FABP7: variants seen among roughly 807,000 people sequenced by gnomAD.
The protein encoded by FABP7 is fatty acid-binding protein, brain.
Under a neutral mutation model 14.2 loss-of-function variants are expected in FABP7, and 13 were observed. That is an observed-to-expected ratio of 0.91 (90% CI 0.59 to 1.45). The LOEUF (loss-of-function observed/expected upper bound fraction) is 1.45. Ranked by LOEUF, FABP7 falls within the 40% of genes most tolerant of loss-of-function variation. The probability of loss-of-function intolerance (pLI) is 0.00; values close to 1 mark genes in which losing one functional copy is unlikely to be tolerated. For missense variants in FABP7, 149 were observed against 157.6 expected, an observed-to-expected ratio of 0.95 and a Z score of 0.29; for synonymous variants, 49 against 51.4, an observed-to-expected ratio of 0.95 and a Z score of 0.20.
the FABP7 span, among the ~76,000 whole-genome samples, chr6:122,762,444 G>A: frequency 2.6e-5 from 4 of 152,146 alleles, no homozygotes; most frequent in African/African-American, 9.7e-5. Flanking sequence ...ATACTGAATG[G>A]GCAAAAACTG....
the FABP7 span, among the ~76,000 whole-genome samples, chr6:122,755,459 A>ATTTTTTTTTTT: frequency 1.5e-5 from 2 of 131,954 alleles, no homozygotes; most frequent in Non-Finnish European, 3.1e-5. Flanking sequence ...TATGTTTTGT[A>ATTTTTTTTTTT]TTTTTTTTTT....
chr6:122,757,626 G>A, the FABP7 span, among the ~76,000 whole-genome samples: 1 of 151,956 alleles, frequency 6.6e-6, no homozygotes, highest in Non-Finnish European at 1.5e-5. Flanking sequence ...AGATACACAT[G>A]AGAAGTTGAG....
chr6:122,779,616 T>C, upstream of FABP7: 2 of 620,294 alleles, frequency 3.2e-6, no homozygotes, highest in Non-Finnish European at 5.8e-6. Context: ...TGACAGCCTC[T>C]TGGAAAGAGG....
At chr6:122,770,143 T>G in the FABP7 span, among the ~76,000 whole-genome samples, 3 of 152,110 alleles carry the variant, frequency 2.0e-5, no homozygotes, top group African/African-American at 7.2e-5. Flanking sequence ...ATTTCACTCA[T>G]CTGGAGGCCC....
intron 3 of FABP7, chr6:122,782,605 T>C (rs1265673202): frequency 1.0e-6 from 1 of 985,350 alleles, no homozygotes; most frequent in Admixed American, 6.1e-5. Flanking sequence ...CAATGGTATA[T>C]TGATGATACT....
At chr6:122,750,900 G>A in the FABP7 span, among the ~76,000 whole-genome samples, 1 of 152,152 alleles carries the variant, frequency 6.6e-6, no homozygotes, top group Non-Finnish European at 1.5e-5. Context: ...CTGTTCTTTT[G>A]GACTGCTTGA....
chr6:122,771,803 T>A, the FABP7 span, among the ~76,000 whole-genome samples: 2 of 152,342 alleles, frequency 1.3e-5, no homozygotes, highest in East Asian at 3.9e-4. Flanking sequence ...AAGGTTTGGC[T>A]GAAAACTTAG....
rs532204268 is a variant in FABP7, at chr6:122,782,372, G to A, written c.348+1178G>A. 1,264 of 527,452 alleles carry A rather than the reference G, an allele frequency of 2.4e-3. 1 individual carries two copies. The highest frequency in any genetic ancestry group is 2.9e-3 in the Non-Finnish European group (1,183 of 411,932). 32.7% of individuals were successfully genotyped at this position (527,452 alleles called of 1,614,324 possible). A position where few individuals can be genotyped will look rare whatever the true frequency, so the allele number is the denominator to read the frequency against. ...CCTCCCTTGCTTCTTCCTACTTCCC[G>A]GATGGCTCCTGGCAATCATTGAGGT... On this transcript the variant is annotated intron_variant, in intron 3 of 3. Transcript: ENST00000368444.
At chr6:122,773,539 G>T in the FABP7 span, among the ~76,000 whole-genome samples, 1 of 152,170 alleles carries the variant, frequency 6.6e-6, no homozygotes, top group African/African-American at 2.4e-5. Flanking sequence ...GAGAGACTGT[G>T]GGCCAATGGT....
intron 3 of FABP7, 107 bp downstream of exon 3, chr6:122,781,301 C>T (rs1253590425): frequency 1.3e-6 from 2 of 1,553,748 alleles, no homozygotes; most frequent in Non-Finnish European, 1.7e-6. Flanking sequence ...CTCCTTCCTT[C>T]CTTCTTTAAT....
At chr6:122,755,804 G>A in the FABP7 span, among the ~76,000 whole-genome samples, 1 of 151,862 alleles carries the variant, frequency 6.6e-6, no homozygotes, top group Non-Finnish European at 1.5e-5. Flanking sequence ...TTTCTATGAG[G>A]TGCTGGGTCT....
chr6:122,781,855 C>A, intron 3 of FABP7: 1 of 434,412 alleles, frequency 2.3e-6, no homozygotes, highest in Non-Finnish European at 3.0e-6. Context: ...GATTCTACAA[C>A]CTCAGCCTCC....
the FABP7 span, among the ~76,000 whole-genome samples, chr6:122,758,183 A>G: frequency 2.0e-5 from 3 of 147,116 alleles, no homozygotes; most frequent in Non-Finnish European, 4.5e-5. Flanking sequence ...TCTTGGCTCT[A>G]TGCAAACTCT....
At chr6:122,783,217 T>A in intron 3 of FABP7, 2 of 985,454 alleles carry the variant, frequency 2.0e-6, no homozygotes, top group Non-Finnish European at 1.2e-6. Flanking sequence ...GGCTAAACCA[T>A]GACAACCAAA....
At chr6:122,782,402 G>C in intron 3 of FABP7, 1 of 602,970 alleles carries the variant, frequency 1.7e-6, no homozygotes. Flanking sequence ...TGAGGTTGTT[G>C]GGCTTACAGT....
At chr6:122,782,991 T>A (rs1358562538) in intron 3 of FABP7, 1 of 985,294 alleles carries the variant, frequency 1.0e-6, no homozygotes, top group Non-Finnish European at 1.2e-6. Context: ...ATGACTATGA[T>A]CAGGCAAGAT....
the FABP7 span, among the ~76,000 whole-genome samples, chr6:122,758,906 C>T: frequency 6.6e-6 from 1 of 151,980 alleles, no homozygotes; most frequent in Non-Finnish European, 1.5e-5. Flanking sequence ...ATTTAGGGAC[C>T]ACTGCTCAAT....
intron 2 of FABP7, among the ~76,000 whole-genome samples, chr6:122,780,696 T>C (rs544532583): frequency 2.4e-3 from 361 of 152,322 alleles, no homozygotes; most frequent in African/African-American, 7.8e-3. Context: ...ACTGTTCACA[T>C]TTTATATCAA....
chr6:122,751,900 C>T, the FABP7 span, among the ~76,000 whole-genome samples: 575 of 152,230 alleles, frequency 3.8e-3, 5 homozygotes, highest in African/African-American at 0.012. Context: ...TCCCTCTGCC[C>T]CAACCCAGGT....
Sources: allele counts gnomAD v4.1 joint callset (sites outside exome capture counted in the v4.1 genomes callset), GRCh38; gene constraint gnomAD v4.1.1; transcripts MANE v1.5; gene names NCBI Gene and HGNC (gene_info 2026-07-23, HGNC 2026-07-21).